FHIT: variants seen among roughly 807,000 people sequenced by gnomAD.
FHIT encodes the protein fragile histidine triad diadenosine triphosphatase.
In FHIT, 19 loss-of-function variants were observed where a neutral mutation model predicts 17.9. That is an observed-to-expected ratio of 1.06 (90% CI 0.74 to 1.56). FHIT has a LOEUF of 1.56. FHIT is among the 40% of genes most tolerant of loss of function. The pLI is 0.00. For missense variants in FHIT, 248 were observed against 189.2 expected, an observed-to-expected ratio of 1.31 and a Z score of -1.82; for synonymous variants, 81 against 69.7, an observed-to-expected ratio of 1.16 and a Z score of -0.81.
At chr3:60,729,646 T>G (rs1229865271) in intron 4 of FHIT, among the ~76,000 whole-genome samples, 1 of 152,090 alleles carries the variant, frequency 6.6e-6, no homozygotes, top group African/African-American at 2.4e-5. Flanking sequence ...AACCACAGAA[T>G]GAGGGAATAC....
intron 4 of FHIT, among the ~76,000 whole-genome samples, chr3:60,779,259 T>C (rs945592380): frequency 1.3e-5 from 2 of 152,194 alleles, no homozygotes. Context: ...CATACATTTG[T>C]CATTAAATGC....
chr3:61,034,742 A>G (rs960811001), intron 3 of FHIT, among the ~76,000 whole-genome samples: 7 of 152,204 alleles, frequency 4.6e-5, no homozygotes, highest in African/African-American at 1.7e-4. Context: ...AAAAATTTAG[A>G]TATGGAATTA....
At chr3:60,318,529 C>A (rs1253900268) in intron 5 of FHIT, among the ~76,000 whole-genome samples, 1 of 152,066 alleles carries the variant, frequency 6.6e-6, no homozygotes, top group Non-Finnish European at 1.5e-5. Context: ...CAAATTCTAC[C>A]CAAATCCCTC....
At chr3:60,914,551 T>G (rs1313665037) in intron 3 of FHIT, among the ~76,000 whole-genome samples, 3 of 150,592 alleles carry the variant, frequency 2.0e-5, no homozygotes, top group Non-Finnish European at 4.4e-5. Context: ...ACACAAAGGA[T>G]ACAACAGAAT....
intron 5 of FHIT, among the ~76,000 whole-genome samples, chr3:60,449,578 C>A (rs1188549259): frequency 6.6e-6 from 1 of 151,890 alleles, no homozygotes; most frequent in Non-Finnish European, 1.5e-5. Flanking sequence ...CATACCCAGG[C>A]TATATGGTAT....
chr3:59,953,081 G>A (rs1707203902), intron 7 of FHIT, among the ~76,000 whole-genome samples: 1 of 151,884 alleles, frequency 6.6e-6, no homozygotes, highest in East Asian at 1.9e-4. Flanking sequence ...CGTATGTTGT[G>A]TCTGTCTTTA....
intron 4 of FHIT, among the ~76,000 whole-genome samples, chr3:60,710,585 C>T (rs1468557516): frequency 9.2e-5 from 14 of 152,230 alleles, no homozygotes; most frequent in Non-Finnish European, 1.3e-4. Context: ...CACGCTTTTC[C>T]GATGGGCTTA....
In FHIT at chr3:60,318,506, G is replaced by T. The variant is rs140249657; in HGVS notation, c.103+218354C>A. Among the ~76,000 whole-genome samples, 46 of 152,238 alleles carry T rather than the reference G, an allele frequency of 3.0e-4. No individual in the cohort carries two copies. The East Asian group carries it at 7.0e-3, about 23-fold the overall frequency. ...CAAAACAAAAACTTACAAAAACACA[G>T]AAATAGGTCAAGCAAATTCTACCCA... is the stretch of plus-strand genomic sequence containing the variant. On this transcript the variant is annotated intron_variant, in intron 5 of 9. Coordinates refer to ENST00000492590, the MANE Select transcript of FHIT (RefSeq NM_002012.4).
chr3:61,059,372 C>CTTTTTTTT (rs201797361), intron 2 of FHIT, among the ~76,000 whole-genome samples: 17 of 113,266 alleles, frequency 1.5e-4, no homozygotes, highest in East Asian at 8.2e-4. Context: ...TTGCTTTTTC[C>CTTTTTTTT]TTTTTTTTTT....
chr3:59,780,560 A>G (rs913098638), intron 8 of FHIT, among the ~76,000 whole-genome samples: 1 of 152,188 alleles, frequency 6.6e-6, no homozygotes, highest in Non-Finnish European at 1.5e-5. Flanking sequence ...CCCAAAATTC[A>G]TTAACACCAC....
intron 4 of FHIT, among the ~76,000 whole-genome samples, chr3:60,748,812 AAAC>A (rs200069181): frequency 0.011 from 1,633 of 152,308 alleles, 34 homozygotes; most frequent in African/African-American, 0.037. Flanking sequence ...CTCCATCTCA[AAAC>A]AACAACAACA....
intron 5 of FHIT, among the ~76,000 whole-genome samples, chr3:60,485,219 T>C (rs1192068313): frequency 1.3e-5 from 2 of 152,170 alleles, no homozygotes; most frequent in Non-Finnish European, 2.9e-5. Flanking sequence ...TGTAAATTAA[T>C]TCAACCTCTG....
intron 4 of FHIT, among the ~76,000 whole-genome samples, chr3:60,683,682 G>C (rs1365254925): frequency 2.0e-5 from 3 of 152,144 alleles, no homozygotes; most frequent in Non-Finnish European, 4.4e-5. Flanking sequence ...GTATCTCTGA[G>C]ATATAGATAT....
chr3:60,186,372 A>T (rs933842411), intron 5 of FHIT, among the ~76,000 whole-genome samples: 9 of 152,110 alleles, frequency 5.9e-5, no homozygotes, highest in Admixed American at 3.3e-4. Flanking sequence ...ATTTGTTGAA[A>T]AGTTATCCTT....
intron 8 of FHIT, among the ~76,000 whole-genome samples, chr3:59,772,684 G>C (rs550678472): frequency 2.8e-4 from 43 of 152,298 alleles, no homozygotes; most frequent in South Asian, 1.2e-3. Flanking sequence ...CTAACGAGAA[G>C]GCAAAAGAAC....
At chr3:60,553,603 G>A (rs2036644908) in intron 4 of FHIT, among the ~76,000 whole-genome samples, 3 of 150,334 alleles carry the variant, frequency 2.0e-5, no homozygotes, top group Non-Finnish European at 3.0e-5. Flanking sequence ...GATATAGGGT[G>A]TAAATGGATA....
At chr3:59,864,512 T>C (rs1373647883) in intron 8 of FHIT, among the ~76,000 whole-genome samples, 2 of 151,990 alleles carry the variant, frequency 1.3e-5, no homozygotes, top group Admixed American at 1.3e-4. Context: ...CAGATTAATA[T>C]AGCATGTTAG....
At chr3:61,241,385 G>A (rs1333515065) in intron 1 of FHIT, among the ~76,000 whole-genome samples, 1 of 152,202 alleles carries the variant, frequency 6.6e-6, no homozygotes, top group Non-Finnish European at 1.5e-5. Flanking sequence ...CCGTCCTTCA[G>A]TTAATGTGGA....
intron 5 of FHIT, among the ~76,000 whole-genome samples, chr3:60,261,279 C>T (rs1242569801): frequency 6.6e-6 from 1 of 151,954 alleles, no homozygotes; most frequent in African/African-American, 2.4e-5. Flanking sequence ...GATTGGTACC[C>T]TTCCCAGTAA....
Sources: gnomAD v4.1 joint callset for allele counts (sites outside exome capture counted in the v4.1 genomes callset) on GRCh38, gnomAD v4.1.1 for gene constraint, MANE v1.5 for transcripts, NCBI Gene and HGNC (gene_info 2026-07-23, HGNC 2026-07-21) for gene names.